Variants in EPHA6 observed in about 807,000 individuals in gnomAD.
EPHA6 encodes EPH receptor A6.
EPHA6 carries 50 observed loss-of-function variants against 112.0 expected under a neutral mutation model. That is an observed-to-expected ratio of 0.45 (90% CI 0.36 to 0.56). EPHA6 has a LOEUF of 0.56. EPHA6 is among the 20% of genes least tolerant of loss of function. The probability of loss-of-function intolerance (pLI) is 0.00; values close to 1 mark genes in which losing one functional copy is unlikely to be tolerated. For missense variants in EPHA6, 1,280 were observed against 1,417.4 expected (o/e 0.90, Z 1.56); for synonymous variants, 529 against 490.7 (o/e 1.08, Z -1.03).
chr3:97,734,582 A>G (rs1400260095), intron 15 of EPHA6, among the ~76,000 whole-genome samples: 1 of 152,102 alleles, frequency 6.6e-6, no homozygotes, highest in Admixed American at 6.6e-5. Context: ...AAAACTTAGC[A>G]GTAAAGAGGT....
At chr3:96,934,012 A>G (rs1371574307) in intron 2 of EPHA6, among the ~76,000 whole-genome samples, 1 of 152,034 alleles carries the variant, frequency 6.6e-6, no homozygotes, top group Non-Finnish European at 1.5e-5. Flanking sequence ...TTTATGTACC[A>G]AATAAATTTG....
At chr3:97,296,334 T>C (rs545679978) in intron 5 of EPHA6, among the ~76,000 whole-genome samples, 46 of 152,182 alleles carry the variant, frequency 3.0e-4, no homozygotes, top group South Asian at 2.5e-3. Flanking sequence ...CACTAGACAG[T>C]GTGCTCAGGA....
chr3:97,644,946 C>T lies in EPHA6; in HGVS notation c.2784+6864C>T, dbSNP rs550354486. ...TCCCTAACTCATTTTATGAGGCCAG[C>T]ATCATTCTGATACCAAAGCCGGGCA... is the stretch of plus-strand genomic sequence containing the variant. On this transcript the variant is annotated intron_variant, in intron 14 of 17. Transcript: ENST00000389672. Among the ~76,000 whole-genome samples, 12 of 151,944 alleles carry T rather than the reference C, an allele frequency of 7.9e-5. No homozygotes were observed. In the East Asian group the frequency reaches 2.1e-3, roughly 27 times the overall value.
intron 15 of EPHA6, among the ~76,000 whole-genome samples, chr3:97,730,035 C>A (rs1459063905): frequency 2.0e-5 from 3 of 152,032 alleles, no homozygotes; most frequent in Admixed American, 6.6e-5. Context: ...TAACTAAATT[C>A]AACGTGCCTC....
At chr3:96,903,221 A>G (rs1463813629) in intron 2 of EPHA6, among the ~76,000 whole-genome samples, 1 of 152,114 alleles carries the variant, frequency 6.6e-6, no homozygotes, top group African/African-American at 2.4e-5. Context: ...TCAAGCTCAG[A>G]TGATTGGCAA....
intron 5 of EPHA6, among the ~76,000 whole-genome samples, chr3:97,331,893 C>G (rs559416687): frequency 0.028 from 4,252 of 152,182 alleles, 200 homozygotes; most frequent in African/African-American, 0.091. Flanking sequence ...GGGAATCCTC[C>G]CTAACTCATT....
At chr3:97,631,247 C>T (rs2093900358) in intron 13 of EPHA6, among the ~76,000 whole-genome samples, 1 of 151,966 alleles carries the variant, frequency 6.6e-6, no homozygotes, top group Non-Finnish European at 1.5e-5. Context: ...TGTTCTGGCT[C>T]TTCAGAGATG....
intron 11 of EPHA6, among the ~76,000 whole-genome samples, chr3:97,539,022 T>G (rs141514973): frequency 3.6e-4 from 54 of 150,854 alleles, no homozygotes; most frequent in East Asian, 2.3e-3. Flanking sequence ...TTTCTTTCTT[T>G]CTTTCTTTCT....
intron 14 of EPHA6, among the ~76,000 whole-genome samples, chr3:97,666,793 G>A (rs771005778): frequency 1.3e-5 from 2 of 152,164 alleles, no homozygotes; most frequent in Non-Finnish European, 2.9e-5. Context: ...AACCCCCTAT[G>A]TCTGAGATCA....
intron 3 of EPHA6, among the ~76,000 whole-genome samples, chr3:97,064,298 A>C (rs2046113394): frequency 6.6e-6 from 1 of 152,166 alleles, no homozygotes; most frequent in Admixed American, 6.6e-5. Context: ...AATAATATAA[A>C]GTGATCAATG....
rs559823810 is a variant in EPHA6 at position 97,489,591 on chromosome 3, C to G, written c.2200+5532C>G. Among the ~76,000 whole-genome samples the G allele has an allele frequency of 2.0e-5, 3 of 149,714 alleles. No homozygotes were observed. In the South Asian group the frequency reaches 6.4e-4, roughly 32 times the overall value. On this transcript the variant is annotated intron_variant, in intron 10 of 17. Coordinates refer to ENST00000389672, the MANE Select transcript of EPHA6 (RefSeq NM_001080448.3). The stretch of plus-strand genomic sequence containing the variant: ...GTCCCAGCTACTCCGGAGGCTGAGG[C>G]AAGAGAATGGCATGAACCCGGGAGG...
At chr3:97,134,044 A>T (rs540793596) in intron 3 of EPHA6, among the ~76,000 whole-genome samples, 15 of 152,156 alleles carry the variant, frequency 9.9e-5, no homozygotes, top group Admixed American at 2.6e-4. Flanking sequence ...AAATTTTAAA[A>T]AAAAGAGCCT....
chr3:97,299,183 A>T (rs994241882), intron 5 of EPHA6, among the ~76,000 whole-genome samples: 2 of 144,512 alleles, frequency 1.4e-5, no homozygotes, highest in Non-Finnish European at 3.1e-5. Context: ...GATGATCAGG[A>T]TGTGTGTGTG....
chr3:97,353,341 C>T (rs2083904767), intron 5 of EPHA6, among the ~76,000 whole-genome samples: 1 of 151,878 alleles, frequency 6.6e-6, no homozygotes, highest in South Asian at 2.1e-4. Context: ...TAGTGGGCCA[C>T]AGACTCCTGT....
chr3:97,128,961 C>T (rs2108321556), intron 3 of EPHA6, among the ~76,000 whole-genome samples: 1 of 150,982 alleles, frequency 6.6e-6, no homozygotes, highest in Non-Finnish European at 1.5e-5. Flanking sequence ...GCATCCCCTG[C>T]CTCCTAGACT....
At chr3:97,614,420 C>G (rs529227553) in intron 13 of EPHA6, among the ~76,000 whole-genome samples, 1 of 150,132 alleles carries the variant, frequency 6.7e-6, no homozygotes, top group African/African-American at 2.4e-5. Flanking sequence ...CTGCAACCTC[C>G]GCCTCCCGGG....
intron 5 of EPHA6, among the ~76,000 whole-genome samples, chr3:97,296,755 G>A (rs1255849318): frequency 6.6e-6 from 1 of 152,134 alleles, no homozygotes; most frequent in Admixed American, 6.5e-5. Flanking sequence ...TTTATAGGGA[G>A]CACATGCTTT....
intron 3 of EPHA6, among the ~76,000 whole-genome samples, chr3:97,062,417 T>G (rs1287647318): frequency 2.0e-5 from 3 of 151,838 alleles, no homozygotes; most frequent in Non-Finnish European, 4.4e-5. Flanking sequence ...GGGAAAAAAT[T>G]TTGCAATCTG....
chr3:96,863,969 A>G (rs913295327), intron 1 of EPHA6, among the ~76,000 whole-genome samples: 12 of 152,074 alleles, frequency 7.9e-5, no homozygotes, highest in African/African-American at 2.7e-4. Context: ...AAAAATCACC[A>G]TAAGAAATAC....
Sources: gnomAD v4.1 joint callset for allele counts (sites outside exome capture counted in the v4.1 genomes callset) on GRCh38, gnomAD v4.1.1 for gene constraint, MANE v1.5 for transcripts, NCBI Gene and HGNC (gene_info 2026-07-23, HGNC 2026-07-21) for gene names.